Variants in CADM2 observed in about 807,000 individuals in gnomAD.
CADM2 encodes cell adhesion molecule 2.
In CADM2, 12 loss-of-function variants were observed where a neutral mutation model predicts 49.8. The ratio of observed to expected loss-of-function variants is 0.24; its 90% CI spans 0.15 to 0.39. The LOEUF (loss-of-function observed/expected upper bound fraction) is 0.39. Ranked by LOEUF, CADM2 falls within the 10% of genes least tolerant of loss-of-function variation. The probability of loss-of-function intolerance (pLI) is 1.00; values close to 1 mark genes in which losing one functional copy is unlikely to be tolerated. For synonymous variants in CADM2, 214 were observed against 175.4 expected (o/e 1.22, Z -1.74); for missense variants, 378 against 492.3 (o/e 0.77, Z 2.20).
chr3:84,960,863 G>A (rs2030442083), intron 1 of CADM2, among the ~76,000 whole-genome samples: 1 of 152,184 alleles, frequency 6.6e-6, no homozygotes, highest in Non-Finnish European at 1.5e-5. Flanking sequence ...GGAGGCAGGG[G>A]CGGCGTGCTA....
chr3:85,970,100 T>C (rs1369079603), intron 8 of CADM2, among the ~76,000 whole-genome samples: 1 of 147,590 alleles, frequency 6.8e-6, no homozygotes, highest in African/African-American at 2.6e-5. Flanking sequence ...TATCCCATAT[T>C]GAAAAAAAAA....
At chr3:85,375,749 A>G (rs887517647) in intron 1 of CADM2, among the ~76,000 whole-genome samples, 1 of 152,190 alleles carries the variant, frequency 6.6e-6, no homozygotes, top group Non-Finnish European at 1.5e-5. Context: ...ATTTATATGA[A>G]TATTTTCATG....
At chr3:85,375,856 C>T (rs2033563659) in intron 1 of CADM2, among the ~76,000 whole-genome samples, 2 of 152,134 alleles carry the variant, frequency 1.3e-5, no homozygotes, top group South Asian at 4.1e-4. Context: ...GTCATTTGTA[C>T]AGTATATTAT....
At chr3:84,981,559 T>C (rs1006328845) in intron 1 of CADM2, among the ~76,000 whole-genome samples, 2 of 152,112 alleles carry the variant, frequency 1.3e-5, no homozygotes, top group Non-Finnish European at 2.9e-5. Context: ...TAAAGACAAC[T>C]TGAAGAACAC....
intron 1 of CADM2, among the ~76,000 whole-genome samples, chr3:85,273,446 G>A (rs1333719840): frequency 6.6e-6 from 1 of 151,372 alleles, no homozygotes; most frequent in African/African-American, 2.4e-5. Flanking sequence ...AGGGAAAGAT[G>A]GTGGTGGCTT....
chr3:85,569,648 C>T (rs1576830171), intron 1 of CADM2, among the ~76,000 whole-genome samples: 1 of 142,710 alleles, frequency 7.0e-6, no homozygotes, highest in South Asian at 2.2e-4. Flanking sequence ...CCTAGGTTTC[C>T]AATATGGGAT....
chr3:85,700,537 A>T (rs2066722059), intron 1 of CADM2, among the ~76,000 whole-genome samples: 1 of 152,204 alleles, frequency 6.6e-6, no homozygotes, highest in Admixed American at 6.5e-5. Context: ...TTGCTCATAC[A>T]TATGAGCATA....
At chr3:85,134,477 C>T (rs1390985741) in intron 1 of CADM2, among the ~76,000 whole-genome samples, 1 of 152,234 alleles carries the variant, frequency 6.6e-6, no homozygotes, top group Non-Finnish European at 1.5e-5. Context: ...CATAAATCAT[C>T]TTTAACATAA....
intron 1 of CADM2, among the ~76,000 whole-genome samples, chr3:85,133,260 C>T (rs965729782): frequency 6.6e-6 from 1 of 152,194 alleles, no homozygotes; most frequent in Non-Finnish European, 1.5e-5. Context: ...TGCCACCACT[C>T]GCTCGGGCAG....
At chr3:85,783,733 A>G (rs142597200) in intron 2 of CADM2, among the ~76,000 whole-genome samples, 270 of 152,300 alleles carry the variant, frequency 1.8e-3, no homozygotes, top group African/African-American at 6.3e-3. Flanking sequence ...ACTGTAACAA[A>G]CAGCAGAGTT....
chr3:85,433,919 A>G (rs1038666403), intron 1 of CADM2, among the ~76,000 whole-genome samples: 1 of 152,106 alleles, frequency 6.6e-6, no homozygotes, highest in Non-Finnish European at 1.5e-5. Flanking sequence ...CTGGTGTCAA[A>G]GATATTCTTT....
chr3:85,887,271 A>G (rs1331718724), intron 5 of CADM2, among the ~76,000 whole-genome samples: 3 of 151,930 alleles, frequency 2.0e-5, no homozygotes, highest in Non-Finnish European at 4.4e-5. Context: ...TATTTTTTGT[A>G]GAGATCGTGC....
intron 1 of CADM2, among the ~76,000 whole-genome samples, chr3:85,355,633 G>T (rs2117152): frequency 0.6 from 91,815 of 151,890 alleles, 28,454 homozygotes; most frequent in East Asian, 0.81. Flanking sequence ...TGTAGATAAT[G>T]GTGAGTGCAA....
At chr3:86,058,942 A>T (rs1738304683) in intron 8 of CADM2, among the ~76,000 whole-genome samples, 1 of 151,876 alleles carries the variant, frequency 6.6e-6, no homozygotes. Context: ...AAAAATACCA[A>T]AATTAGCCTG....
At chr3:85,773,763 C>T (rs2070220330) in intron 2 of CADM2, among the ~76,000 whole-genome samples, 1 of 151,886 alleles carries the variant, frequency 6.6e-6, no homozygotes, top group Non-Finnish European at 1.5e-5. Flanking sequence ...GGGGTTCGTG[C>T]CAATCTTGAT....
intron 1 of CADM2, among the ~76,000 whole-genome samples, chr3:85,053,129 C>T (rs2035947753): frequency 6.6e-6 from 1 of 151,870 alleles, no homozygotes; most frequent in African/African-American, 2.4e-5. Context: ...AAGTATTTGC[C>T]AAACTAGTAA....
At chr3:85,489,443 T>C (rs1265986752) in intron 1 of CADM2, among the ~76,000 whole-genome samples, 1 of 152,130 alleles carries the variant, frequency 6.6e-6, no homozygotes, top group Non-Finnish European at 1.5e-5. Flanking sequence ...ATTTAATATA[T>C]TTATAAGTTC....
At chr3:85,578,725 T>A (rs1271019812) in intron 1 of CADM2, among the ~76,000 whole-genome samples, 2 of 152,224 alleles carry the variant, frequency 1.3e-5, no homozygotes, top group Admixed American at 1.3e-4. Context: ...CATCTATGAA[T>A]TTAAATTTCA....
At chr3:85,357,305 A>T (rs2031947419) in intron 1 of CADM2, among the ~76,000 whole-genome samples, 1 of 152,108 alleles carries the variant, frequency 6.6e-6, no homozygotes, top group East Asian at 1.9e-4. Flanking sequence ...AAAGAATTTA[A>T]TATGTGTCTA....
Sources: allele counts gnomAD v4.1 joint callset (sites outside exome capture counted in the v4.1 genomes callset), GRCh38; gene constraint gnomAD v4.1.1; transcripts MANE v1.5; gene names NCBI Gene and HGNC (gene_info 2026-07-23, HGNC 2026-07-21).